THUMPD2: variants seen among roughly 807,000 people sequenced by gnomAD.
The protein encoded by THUMPD2 is THUMP domain 2 tRNA and snRNA guanosine methyltransferase.
THUMPD2 carries 56 observed loss-of-function variants against 49.4 expected under a neutral mutation model. The observed-to-expected ratio is 1.13, with a 90% CI of 0.91 to 1.41. The LOEUF (loss-of-function observed/expected upper bound fraction) is 1.41. THUMPD2 is among the 40% of genes most tolerant of loss of function. The pLI, the probability that THUMPD2 is intolerant of heterozygous loss-of-function variation, is 0.00. For synonymous variants in THUMPD2, 237 were observed against 205.2 expected (o/e 1.15, Z -1.32); for missense variants, 709 against 594.5 (o/e 1.19, Z -2.00).
At chr2:39,748,292 C>T (rs570873447) in intron 8 of THUMPD2, among the ~76,000 whole-genome samples, 50 of 152,342 alleles carry the variant, frequency 3.3e-4, no homozygotes, top group African/African-American at 1.1e-3. Flanking sequence ...TGAAGGCTTA[C>T]ACTTTAAAAC....
At chr2:39,773,860 G>A (rs1471439570) in intron 1 of THUMPD2, among the ~76,000 whole-genome samples, 2 of 152,156 alleles carry the variant, frequency 1.3e-5, no homozygotes, top group East Asian at 1.9e-4. Flanking sequence ...ATTATCATAA[G>A]GCCTACATTT....
intron 6 of THUMPD2, among the ~76,000 whole-genome samples, chr2:39,756,709 T>C (rs1676178453): frequency 6.6e-6 from 1 of 152,040 alleles, no homozygotes; most frequent in South Asian, 2.1e-4. Flanking sequence ...ATGCCACGTG[T>C]AAATTCAAGC....
chr2:39,774,738 T>C (rs1678842017), intron 1 of THUMPD2, among the ~76,000 whole-genome samples: 1 of 152,140 alleles, frequency 6.6e-6, no homozygotes, highest in Non-Finnish European at 1.5e-5. Flanking sequence ...CTCAGAGAAA[T>C]AAGGCATTTG....
rs1187323986 is a variant in THUMPD2, at chr2:39,736,454, G to A, written c.*281C>T. 1 of 278,742 alleles carries A rather than the reference G, an allele frequency of 3.6e-6. No homozygotes were observed. Among genetic ancestry groups the A allele is most frequent in the Non-Finnish European group, 6.7e-6 (1 of 149,826 alleles). The allele number at this position is 278,742 out of a possible 1,614,324, so 17.3% of individuals were successfully genotyped here. A position where few individuals can be genotyped will look rare whatever the true frequency, so the allele number is the denominator to read the frequency against. On this transcript the variant is annotated 3_prime_UTR_variant, in exon 10 of 10. Coordinates refer to ENST00000505747, the MANE Select transcript of THUMPD2 (RefSeq NM_025264.5). ...TGAAAACCTTTATTTTGAAATTGAA[G>A]TTTTTGCTCAGAAACTGGGCAGAAC...
intron 8 of THUMPD2, among the ~76,000 whole-genome samples, chr2:39,744,857 T>C (rs1177258625): frequency 1.3e-5 from 2 of 152,140 alleles, no homozygotes; most frequent in Non-Finnish European, 2.9e-5. Context: ...ATTTTAAAAC[T>C]GTACGTTTAG....
At chr2:39,772,566 T>C (rs2148344369) in intron 1 of THUMPD2, among the ~76,000 whole-genome samples, 1 of 152,252 alleles carries the variant, frequency 6.6e-6, no homozygotes, top group Non-Finnish European at 1.5e-5. Flanking sequence ...GATGGATATG[T>C]GGCAAGAGAA....
At chr2:39,766,263 CTTTT>C in intron 4 of THUMPD2, 154 bp from the exon 5 acceptor site, 1 of 468,478 alleles carries the variant, frequency 2.1e-6, no homozygotes, top group East Asian at 3.9e-5. Flanking sequence ...GTTCTATAAT[CTTTT>C]TTTTTCTTAA....
intron 8 of THUMPD2, among the ~76,000 whole-genome samples, chr2:39,753,550 A>G (rs761842951): frequency 4.6e-5 from 7 of 152,176 alleles, no homozygotes; most frequent in Non-Finnish European, 1.0e-4. Context: ...ATACTGAGGT[A>G]CTAACTTGAC....
At position 39,760,214 on chromosome 2, in the gene THUMPD2, AGAG is replaced by A. The variant is rs1169506328; in HGVS notation, c.891+1114_891+1116del. Among the ~76,000 whole-genome samples the A allele has an allele frequency of 9.9e-5, 15 of 152,262 alleles. No individual in the cohort carries two copies. In the Middle Eastern group the frequency reaches 0.014, roughly 138 times the overall value. On this transcript the variant is annotated intron_variant, in intron 6 of 9. Coordinates refer to ENST00000505747, the MANE Select transcript of THUMPD2 (RefSeq NM_025264.5). ...AAAATGTTCAAAGGTCTCACTGTAG[AGAG>A]GAGAAGAGAAAAAAGTACTCTAAAG...
At chr2:39,772,738 T>C (rs765678326) in intron 1 of THUMPD2, among the ~76,000 whole-genome samples, 1 of 152,148 alleles carries the variant, frequency 6.6e-6, no homozygotes, top group Admixed American at 6.5e-5. Flanking sequence ...TGGCCACCAA[T>C]TGAATAACAT....
At chr2:39,769,676 G>C in intron 3 of THUMPD2, 34 bp downstream of exon 3, 2 of 1,473,062 alleles carry the variant, frequency 1.4e-6, no homozygotes, top group Non-Finnish European at 1.8e-6. Context: ...ATTCCAGCCT[G>C]GGCGACAGAC....
At chr2:39,739,455 C>A (rs961018263) in intron 9 of THUMPD2, among the ~76,000 whole-genome samples, 12 of 152,154 alleles carry the variant, frequency 7.9e-5, no homozygotes, top group African/African-American at 2.7e-4. Flanking sequence ...GCTAGGGTAG[C>A]CACTACTTTT....
At chr2:39,765,958 C>G in intron 5 of THUMPD2, 99 bp downstream of exon 5, 1 of 943,208 alleles carries the variant, frequency 1.1e-6, no homozygotes, top group Non-Finnish European at 1.6e-6. Context: ...TTAGCCTTCT[C>G]TGTTATATGA....
chr2:39,777,065 C>T (rs1391389614), intron 1 of THUMPD2, among the ~76,000 whole-genome samples: 3 of 152,190 alleles, frequency 2.0e-5, no homozygotes, highest in Non-Finnish European at 4.4e-5. Context: ...AAGTTTCTAA[C>T]ACTCTCTTAT....
intron 1 of THUMPD2, among the ~76,000 whole-genome samples, chr2:39,773,558 A>AT (rs1678625862): frequency 5.0e-5 from 2 of 40,264 alleles, no homozygotes; most frequent in Admixed American, 2.9e-4. Context: ...TATATTTAAA[A>AT]ATATATATAT....
intron 1 of THUMPD2, among the ~76,000 whole-genome samples, chr2:39,777,121 G>C (rs929145524): frequency 2.0e-5 from 3 of 152,134 alleles, no homozygotes; most frequent in Admixed American, 2.0e-4. Flanking sequence ...CATTGTATGG[G>C]AACTAAAATT....
intron 4 of THUMPD2, among the ~76,000 whole-genome samples, chr2:39,767,197 G>A (rs1470987149): frequency 6.6e-6 from 1 of 152,106 alleles, no homozygotes; most frequent in Non-Finnish European, 1.5e-5. Flanking sequence ...ATGGCTGATA[G>A]GAATTGAATT....
chr2:39,757,249 C>A (rs897118361), intron 6 of THUMPD2: 28 of 540,904 alleles, frequency 5.2e-5, no homozygotes, highest in Non-Finnish European at 8.4e-5. Flanking sequence ...GGAACGTACC[C>A]CACTGTCAGG....
At chr2:39,755,220 C>T (rs1189725668) in intron 8 of THUMPD2, 75 bp downstream of exon 8, 2 of 1,029,924 alleles carry the variant, frequency 1.9e-6, no homozygotes, top group Non-Finnish European at 2.8e-6. Flanking sequence ...CATAGTGAGA[C>T]TTGTTTTATA....
Sources: allele counts gnomAD v4.1 joint callset (sites outside exome capture counted in the v4.1 genomes callset), GRCh38; gene constraint gnomAD v4.1.1; transcripts MANE v1.5; gene names NCBI Gene and HGNC (gene_info 2026-07-23, HGNC 2026-07-21).